Variants in DISP1 observed in about 807,000 individuals in gnomAD.
DISP1 encodes dispatched RND transporter family member 1, also known as protein dispatched homolog 1.
A neutral mutation model predicts 37.3 loss-of-function variants in DISP1; 30 were observed. The ratio of observed to expected loss-of-function variants is 0.80; its 90% CI spans 0.60 to 1.09. DISP1 has a LOEUF of 1.09. DISP1 is among the 50% of genes least tolerant of loss of function. DISP1 has a pLI of 0.00. For missense variants in DISP1, 1,598 were observed against 1,879.5 expected, an observed-to-expected ratio of 0.85 and a Z score of 2.77; for synonymous variants, 634 against 690.2, an observed-to-expected ratio of 0.92 and a Z score of 1.28.
chr1:222,838,251 CA>C (rs1667368241), intron 1 of DISP1, among the ~76,000 whole-genome samples: 1 of 151,960 alleles, frequency 6.6e-6, no homozygotes, highest in Non-Finnish European at 1.5e-5. Context: ...ATTATGATTA[CA>C]TTTACTGTTT....
chr1:222,974,614 C>T (rs1389450993), intron 3 of DISP1, among the ~76,000 whole-genome samples: 1 of 152,098 alleles, frequency 6.6e-6, no homozygotes, highest in Non-Finnish European at 1.5e-5. Context: ...ATGACCAACA[C>T]TTTTGAGTCA....
In DISP1 at chr1:222,893,440, C is replaced by T. The variant is rs1459297003; in HGVS notation, c.-158-34990C>T. Reference sequence around the variant, plus strand: ...GCAGGCTGTGCTTGGCTCATGCTACCGGCCCGGATCCCACACCTGCCAAAG... The same window carrying T: ...GCAGGCTGTGCTTGGCTCATGCTACTGGCCCGGATCCCACACCTGCCAAAG... On this transcript the variant is annotated intron_variant, in intron 1 of 8. Transcript: ENST00000675850. The surrounding 1 kb of genome is among the most constrained non-coding windows in gnomAD (Gnocchi z 4.3). Among the ~76,000 whole-genome samples, 2 of 152,328 alleles carry T rather than the reference C, an allele frequency of 1.3e-5. No individual in the cohort carries two copies. The highest frequency in any genetic ancestry group is 2.1e-4 in the South Asian group (1 of 4,828).
intron 1 of DISP1, among the ~76,000 whole-genome samples, chr1:222,829,442 G>T (rs543196068): frequency 6.9e-6 from 1 of 145,054 alleles, no homozygotes; most frequent in Non-Finnish European, 1.5e-5. Flanking sequence ...AGTTCTCTTT[G>T]AATGTTTTTT....
intron 2 of DISP1, among the ~76,000 whole-genome samples, chr1:222,937,033 TATATA>T (rs1184299845): frequency 1.6e-4 from 19 of 115,722 alleles, no homozygotes; most frequent in South Asian, 7.3e-4. Context: ...TATTACATAT[TATATA>T]ATATATTATA....
intron 3 of DISP1, among the ~76,000 whole-genome samples, chr1:222,975,704 C>T (rs186860530): frequency 2.5e-4 from 38 of 152,282 alleles, no homozygotes; most frequent in Non-Finnish European, 4.4e-4. Flanking sequence ...GTACACATAC[C>T]GCAGTTCACT....
chr1:222,822,404 G>T (rs1663165743), intron 1 of DISP1, among the ~76,000 whole-genome samples: 1 of 152,124 alleles, frequency 6.6e-6, no homozygotes, highest in African/African-American at 2.4e-5. Context: ...TGTATGCTAG[G>T]TTTTAAAATT....
At chr1:222,943,412 G>A (rs1277193492) in intron 3 of DISP1, 80 bp downstream of exon 3, 3 of 1,589,088 alleles carry the variant, frequency 1.9e-6, no homozygotes, top group Non-Finnish European at 2.6e-6. Flanking sequence ...TTTCCTGAAA[G>A]GAGAGGAGAA....
chr1:222,862,600 G>A (rs538197162), intron 1 of DISP1, among the ~76,000 whole-genome samples: 17 of 148,110 alleles, frequency 1.1e-4, no homozygotes, highest in Admixed American at 4.1e-4. Context: ...AGGTGCTATC[G>A]TGACTCACTG....
intron 3 of DISP1, among the ~76,000 whole-genome samples, chr1:222,948,270 G>C (rs1674942095): frequency 6.6e-6 from 1 of 152,190 alleles, no homozygotes. Context: ...ATCTTAGAAT[G>C]AACACTGAAG....
intron 1 of DISP1, among the ~76,000 whole-genome samples, chr1:222,920,707 TAGTC>T (rs1329939304): frequency 6.6e-6 from 1 of 152,168 alleles, no homozygotes; most frequent in South Asian, 2.1e-4. Flanking sequence ...TTTTTAGCAT[TAGTC>T]AGACTTTTTT....
In DISP1 at chr1:222,990,123, A is replaced by T. The variant is rs148195329; in HGVS notation, c.540-502A>T. ...AGCCCTTAGTTTGGTTATTTTTAAG[A>T]TCTGAACTGTATGAACCTGTTTATA... On this transcript the variant is annotated intron_variant, in intron 4 of 8. Coordinates refer to ENST00000675850, the MANE Select transcript of DISP1 (RefSeq NM_001377229.1). 5.1e-3 allele frequency among the ~76,000 whole-genome samples: 779 copies of T among 152,240 alleles called. 5 individuals carry two copies. Among genetic ancestry groups the T allele is most frequent in the Non-Finnish European group, 6.5e-3 (441 of 68,004 alleles).
chr1:222,879,382 T>C (rs112348697), intron 1 of DISP1, among the ~76,000 whole-genome samples: 1 of 152,108 alleles, frequency 6.6e-6, no homozygotes, highest in Admixed American at 6.5e-5. Context: ...AGGAGTACTG[T>C]GGTGTGAAGG....
chr1:222,921,746 A>C lies in DISP1; in HGVS notation c.-158-6684A>C, dbSNP rs1672819260. Among the ~76,000 whole-genome samples, 3 of 152,238 alleles carry C rather than the reference A, an allele frequency of 2.0e-5. No individual in the cohort carries two copies. The South Asian group carries it at 6.2e-4, about 32-fold the overall frequency. The stretch of plus-strand genomic sequence containing the variant: ...ACAAGTTATAAAATGTCAATTGTTC[A>C]ATAAACATTTGTCAAGTATAAATAT... On this transcript the variant is annotated intron_variant, in intron 1 of 8. Coordinates refer to ENST00000675850, the MANE Select transcript of DISP1 (RefSeq NM_001377229.1).
At chr1:222,837,120 A>T in intron 1 of DISP1, 2 of 398,454 alleles carry the variant, frequency 5.0e-6, no homozygotes, top group Non-Finnish European at 8.9e-6. Flanking sequence ...ATGTGAAAGG[A>T]AGAGATGCGG....
intron 1 of DISP1, among the ~76,000 whole-genome samples, chr1:222,866,372 T>C (rs1023470935): frequency 3.9e-5 from 6 of 151,904 alleles, no homozygotes; most frequent in Non-Finnish European, 8.8e-5. Flanking sequence ...TGAGGCAGAG[T>C]CTCACTGGGT....
At chr1:222,950,492 C>T (rs558025443) in intron 3 of DISP1, among the ~76,000 whole-genome samples, 8 of 151,958 alleles carry the variant, frequency 5.3e-5, no homozygotes, top group East Asian at 3.9e-4. Flanking sequence ...CCCAGCTACT[C>T]GGGAGGCTGA....
At chr1:222,935,375 A>G (rs758506039) in intron 2 of DISP1, among the ~76,000 whole-genome samples, 1 of 152,174 alleles carries the variant, frequency 6.6e-6, no homozygotes, top group Non-Finnish European at 1.5e-5. Context: ...AAAATACATC[A>G]TCTGAGTGTA....
intron 3 of DISP1, among the ~76,000 whole-genome samples, chr1:222,969,222 T>C (rs1004019409): frequency 6.6e-6 from 1 of 151,352 alleles, no homozygotes; most frequent in African/African-American, 2.4e-5. Flanking sequence ...AATACAAAAT[T>C]AGCCAGGCGC....
At chr1:222,862,610 G>A (rs1016574944) in intron 1 of DISP1, among the ~76,000 whole-genome samples, 28 of 150,058 alleles carry the variant, frequency 1.9e-4, no homozygotes, top group African/African-American at 6.4e-4. Flanking sequence ...GTGACTCACT[G>A]CAGCCTTCAC....
Sources: allele counts gnomAD v4.1 joint callset (sites outside exome capture counted in the v4.1 genomes callset), GRCh38; gene constraint gnomAD v4.1.1; non-coding constraint Gnocchi (gnomAD v3.1); transcripts MANE v1.5; gene names NCBI Gene and HGNC (gene_info 2026-07-23, HGNC 2026-07-21).